The following NWD1 variants were observed in gnomAD, a reference collection of about 807,000 sequenced individuals.
The protein encoded by NWD1 is NACHT and WD repeat domain containing 1.
Under a neutral mutation model 135.1 loss-of-function variants are expected in NWD1, and 129 were observed. The ratio of observed to expected loss-of-function variants is 0.96; its 90% CI spans 0.83 to 1.11. The LOEUF is 1.11. Ranked by LOEUF, NWD1 falls within the 50% of genes least tolerant of loss-of-function variation. NWD1 has a pLI of 0.00. For missense variants in NWD1, 1,740 were observed against 1,851.3 expected, an observed-to-expected ratio of 0.94 and a Z score of 1.10; for synonymous variants, 773 against 786.0, an observed-to-expected ratio of 0.98 and a Z score of 0.28.
rs779515951 is a variant in NWD1 at position 16,749,938 on chromosome 19, C to T, written c.1296C>T (p.Leu432=). Residue 432 remains leucine (L), a synonymous_variant, in exon 6 of 19, where the codon CTC becomes CTT. Coordinates refer to ENST00000524140, the MANE Select transcript of NWD1 (RefSeq NM_001007525.5). ...TCTCTTGCAGAAACTTCGAGTCTCT[C>T]GTGCTCCTGCTGGATGCTATGGATG... ...HTVSCRNFES[L]VLLLDAMDDL... is the part of the protein sequence containing the mutation. 8.8e-5 allele frequency: 142 copies of T among 1,613,628 alleles called. No individual in the cohort carries two copies. Among genetic ancestry groups the T allele is most frequent in the Non-Finnish European group, 1.1e-4 (135 of 1,180,036 alleles).
Position 16,738,180 on chromosome 19 carries a change from A to G in NWD1, c.198+1430A>G, listed in dbSNP as rs1299860667. The stretch of plus-strand genomic sequence containing the variant: ...GAGTTTAGTCGTTCTGACAGAGACC[A>G]TCTGGCCTGTAAAGCCAAAAGTATT... On this transcript the variant is annotated intron_variant, in intron 4 of 18. Coordinates refer to ENST00000524140, the MANE Select transcript of NWD1 (RefSeq NM_001007525.5). The G allele has an allele frequency of 1.5e-5, 7 of 452,176 alleles. No homozygotes were observed. The Admixed American group carries it at 1.7e-4, about 11-fold the overall frequency. The allele number at this position is 452,176 out of a possible 1,614,324, so 28.0% of individuals were successfully genotyped here.
intron 14 of NWD1, among the ~76,000 whole-genome samples, chr19:16,792,305 C>T (rs918460852): frequency 1.3e-5 from 2 of 151,982 alleles, no homozygotes; most frequent in Non-Finnish European, 2.9e-5. Context: ...CTTTGGGAGG[C>T]TGAGGGGGGG....
rs771113312 is a variant in NWD1 at position 16,765,166 on chromosome 19, G to A, written c.2384G>A (p.Arg795His). The change falls in exon 10 of 19, where the codon CGC becomes CAC. Residue 795 changes from arginine to histidine, a missense_variant. Coordinates refer to ENST00000524140, the MANE Select transcript of NWD1 (RefSeq NM_001007525.5). ...GTCCGTGAAGCCCTCCAGCTCTGCC[G>A]CCCTGCTGTGGAGCTCCGAGGCATG... Reference protein sequence around the residue: ...GLVREALQLCRPAVELRGMER... With the variant: ...GLVREALQLCHPAVELRGMER... 97 of 1,613,952 alleles carry A rather than the reference G, an allele frequency of 6.0e-5. 1 individual carries two copies. Among genetic ancestry groups the A allele is most frequent in the African/African-American group, 9.3e-5 (7 of 74,898 alleles).
chr19:16,757,050 AT>A (rs1224621766), intron 6 of NWD1, among the ~76,000 whole-genome samples: 3 of 152,216 alleles, frequency 2.0e-5, no homozygotes, highest in Admixed American at 1.3e-4. Flanking sequence ...GCTCCCACTG[AT>A]TCTACATGAT....
At chr19:16,746,735 C>G (rs1396332459) in intron 5 of NWD1, among the ~76,000 whole-genome samples, 2 of 151,684 alleles carry the variant, frequency 1.3e-5, no homozygotes, top group African/African-American at 4.8e-5. Flanking sequence ...CATGTTCTAT[C>G]TATCATATCC....
At chr19:16,774,347 T>A (rs1325969174) in intron 11 of NWD1, among the ~76,000 whole-genome samples, 1 of 149,614 alleles carries the variant, frequency 6.7e-6, no homozygotes, top group Non-Finnish European at 1.5e-5. Context: ...CATCCATCCA[T>A]CCTCCCACCC....
At chr19:16,737,263 T>G (rs561427120) in intron 4 of NWD1, among the ~76,000 whole-genome samples, 1 of 152,140 alleles carries the variant, frequency 6.6e-6, no homozygotes, top group South Asian at 2.1e-4. Flanking sequence ...TATTCCTGAG[T>G]CTTTTTTCTT....
At chr19:16,787,125 T>A (rs1174260001) in intron 12 of NWD1, among the ~76,000 whole-genome samples, 2 of 152,022 alleles carry the variant, frequency 1.3e-5, no homozygotes, top group African/African-American at 4.8e-5. Context: ...CTAAGATTAT[T>A]ATATTTATTT....
chr19:16,776,709 T>C (rs1163339780), intron 11 of NWD1, among the ~76,000 whole-genome samples: 2 of 148,506 alleles, frequency 1.3e-5, no homozygotes, highest in South Asian at 4.3e-4. Flanking sequence ...CAAGAAGATC[T>C]CTTGGGCCGA....
At chr19:16,744,907 C>T in intron 5 of NWD1, 189 bp downstream of exon 5, 1 of 656,088 alleles carries the variant, frequency 1.5e-6, no homozygotes. Flanking sequence ...TGTTCCTGAT[C>T]AATCTTGGTC....
intron 17 of NWD1, among the ~76,000 whole-genome samples, chr19:16,805,704 TG>T (rs1172509309): frequency 3.3e-5 from 5 of 152,118 alleles, no homozygotes; most frequent in African/African-American, 1.2e-4. Context: ...TAACCTCACT[TG>T]ATTTGCTCCC....
Position 16,778,100 on chromosome 19 carries a change from G to T in NWD1, c.2609-1243G>T, listed in dbSNP as rs190589193. Among the ~76,000 whole-genome samples, 21 of 152,176 alleles carry T rather than the reference G, an allele frequency of 1.4e-4. No homozygotes were observed. In the East Asian group the frequency reaches 3.5e-3, roughly 25 times the overall value. On this transcript the variant is annotated intron_variant, in intron 11 of 18. Transcript: ENST00000524140. ...TCTCCTCACTCTCTGTCCCGATGAG[G>T]TGGAAACAAAATTCTGTATTCTCAG...
At chr19:16,795,373 G>C (rs1429213532) in intron 15 of NWD1, among the ~76,000 whole-genome samples, 2 of 151,752 alleles carry the variant, frequency 1.3e-5, no homozygotes, top group Admixed American at 1.3e-4. Flanking sequence ...AGGGGTCCAC[G>C]ACCCTGAAGC....
chr19:16,774,202 C>T (rs1253133273), intron 11 of NWD1, among the ~76,000 whole-genome samples: 1 of 151,414 alleles, frequency 6.6e-6, no homozygotes, highest in African/African-American at 2.4e-5. Context: ...TCCTCCCACC[C>T]TTCCATCCAT....
chr19:16,767,368 A>C (rs532999871), intron 10 of NWD1, among the ~76,000 whole-genome samples: 4 of 151,932 alleles, frequency 2.6e-5, no homozygotes, highest in Non-Finnish European at 4.4e-5. Flanking sequence ...TAATCCCAGC[A>C]CTTTGGGAGG....
chr19:16,803,162 T>A (rs1970652953), intron 17 of NWD1, among the ~76,000 whole-genome samples: 2 of 152,138 alleles, frequency 1.3e-5, no homozygotes, highest in South Asian at 4.1e-4. Context: ...ACTTATTCGC[T>A]ACCACAAGAA....
intron 17 of NWD1, among the ~76,000 whole-genome samples, chr19:16,807,290 T>C (rs1480816664): frequency 2.0e-5 from 3 of 151,570 alleles, no homozygotes; most frequent in Non-Finnish European, 4.4e-5. Flanking sequence ...GGTTGGGAGT[T>C]AGAGACCAGC....
intron 11 of NWD1, 73 bp downstream of exon 11, chr19:16,773,396 G>C (rs542113502): frequency 7.4e-7 from 1 of 1,351,372 alleles, no homozygotes; most frequent in African/African-American, 1.4e-5. Context: ...CCAGGTGTTT[G>C]AGGTTGTCCT....
intron 6 of NWD1, among the ~76,000 whole-genome samples, chr19:16,754,422 G>A (rs956082703): frequency 7.1e-5 from 9 of 127,216 alleles, no homozygotes; most frequent in African/African-American, 1.8e-4. Flanking sequence ...CCGTCTATCC[G>A]CCCATCATTT....
Sources: allele counts gnomAD v4.1 joint callset (sites outside exome capture counted in the v4.1 genomes callset), GRCh38; gene constraint gnomAD v4.1.1; transcripts MANE v1.5; gene names NCBI Gene and HGNC (gene_info 2026-07-23, HGNC 2026-07-21).